FARS2: variants seen among roughly 807,000 people sequenced by gnomAD.
FARS2 encodes the protein phenylalanyl-tRNA synthetase 2, mitochondrial.
Under a neutral mutation model 46.4 loss-of-function variants are expected in FARS2, and 40 were observed. The observed-to-expected ratio is 0.86, with a 90% confidence interval of 0.67 to 1.12. FARS2 has a LOEUF of 1.12. Among genes scored for constraint, FARS2 ranks in the 50% most tolerant of loss-of-function variants. FARS2 has a pLI of 0.00. For missense variants in FARS2, 513 were observed against 567.9 expected (o/e 0.90, Z 0.98); for synonymous variants, 234 against 214.9 (o/e 1.09, Z -0.78).
chr6:5,403,136 T>C (rs1475947308), intron 2 of FARS2, among the ~76,000 whole-genome samples: 1 of 152,220 alleles, frequency 6.6e-6, no homozygotes, highest in East Asian at 1.9e-4. Flanking sequence ...TTAGTCCTCA[T>C]AAGAATAATT....
At chr6:5,562,722 ACACACAG>A (rs1561715093) in intron 5 of FARS2, among the ~76,000 whole-genome samples, 14 of 151,732 alleles carry the variant, frequency 9.2e-5, no homozygotes, top group African/African-American at 2.7e-4. Context: ...ACACACACAC[ACACACAG>A]TGTTTTTCAT....
At chr6:5,433,689 C>T (rs1763361150) in intron 4 of FARS2, among the ~76,000 whole-genome samples, 1 of 152,192 alleles carries the variant, frequency 6.6e-6, no homozygotes, top group Admixed American at 6.5e-5. Flanking sequence ...TCAAATACCT[C>T]TGTGATGATT....
chr6:5,409,804 T>C (rs1049020194), intron 3 of FARS2, among the ~76,000 whole-genome samples: 1 of 152,332 alleles, frequency 6.6e-6, no homozygotes. Flanking sequence ...ATCCTGAAAC[T>C]GCTGAAAGGT....
rs1778354017 is a variant in FARS2, at chr6:5,669,745, T to C, written c.1217+56425T>C. Reference sequence around the variant, plus strand: ...AACAGAGGTCCTGAGATTCGGAGAGTGAAGCGGAGTGGCTGCCGGCACCAC... The same window carrying C: ...AACAGAGGTCCTGAGATTCGGAGAGCGAAGCGGAGTGGCTGCCGGCACCAC... On this transcript the variant is annotated intron_variant, in intron 6 of 6. Coordinates refer to ENST00000274680, the MANE Select transcript of FARS2 (RefSeq NM_006567.5). 1.3e-5 allele frequency among the ~76,000 whole-genome samples: 2 copies of C among 151,944 alleles called. 1 individual carries two copies. The highest frequency in any genetic ancestry group is 4.2e-4 in the South Asian group (2 of 4,814).
At chr6:5,335,357 A>C (rs1332411001) in intron 1 of FARS2, among the ~76,000 whole-genome samples, 1 of 152,208 alleles carries the variant, frequency 6.6e-6, no homozygotes, top group Non-Finnish European at 1.5e-5. Flanking sequence ...GGAGGGACCC[A>C]GAGTTAACTG....
chr6:5,259,535 A>G (rs888690769), upstream of FARS2, among the ~76,000 whole-genome samples: 8 of 152,184 alleles, frequency 5.3e-5, no homozygotes, highest in Admixed American at 4.6e-4. Flanking sequence ...TTTGAGAGTC[A>G]TTGCTTAAGA....
At chr6:5,585,735 T>TAC (rs935107677) in intron 5 of FARS2, among the ~76,000 whole-genome samples, 5 of 151,852 alleles carry the variant, frequency 3.3e-5, no homozygotes, top group Non-Finnish European at 7.4e-5. Flanking sequence ...ATATATGGAA[T>TAC]ACACACACAT....
chr6:5,547,164 C>G (rs1771081274), intron 5 of FARS2, among the ~76,000 whole-genome samples: 1 of 152,038 alleles, frequency 6.6e-6, no homozygotes, highest in Admixed American at 6.6e-5. Context: ...GTTGGCCAGG[C>G]TGGTCTCAAA....
intron 1 of FARS2, among the ~76,000 whole-genome samples, chr6:5,319,935 G>T (rs1769847201): frequency 6.6e-6 from 1 of 152,144 alleles, no homozygotes; most frequent in South Asian, 2.1e-4. Flanking sequence ...ATAATTAGAA[G>T]GGAAGCAGAG....
intron 6 of FARS2, among the ~76,000 whole-genome samples, chr6:5,656,310 A>G (rs553850566): frequency 1.1e-4 from 17 of 152,200 alleles, no homozygotes; most frequent in East Asian, 1.9e-4. Flanking sequence ...GCTGGCTCCA[A>G]TATGTCATCT....
chr6:5,428,649 A>G (rs929688206), intron 3 of FARS2, among the ~76,000 whole-genome samples: 2 of 152,228 alleles, frequency 1.3e-5, no homozygotes, highest in Non-Finnish European at 2.9e-5. Flanking sequence ...GTTTGTTAGC[A>G]GGATTGTCTC....
intron 1 of FARS2, among the ~76,000 whole-genome samples, chr6:5,365,238 A>G (rs1758575227): frequency 6.6e-6 from 1 of 151,670 alleles, no homozygotes; most frequent in African/African-American, 2.4e-5. Flanking sequence ...AATTAGATAA[A>G]ATAGAAGTTA....
intron 6 of FARS2, among the ~76,000 whole-genome samples, chr6:5,697,711 T>C (rs759160107): frequency 1.3e-5 from 2 of 152,222 alleles, no homozygotes; most frequent in African/African-American, 2.4e-5. Context: ...ATTGTTTTAA[T>C]ACCTTGTTCA....
chr6:5,515,627 C>A (rs552962511), intron 4 of FARS2, among the ~76,000 whole-genome samples: 1 of 151,996 alleles, frequency 6.6e-6, no homozygotes. Context: ...GGGGGTTTTG[C>A]CATGTTGGCC....
intron 6 of FARS2, among the ~76,000 whole-genome samples, chr6:5,687,962 A>G (rs1358979826): frequency 4.6e-5 from 7 of 152,298 alleles, no homozygotes; most frequent in African/African-American, 1.4e-4. Flanking sequence ...CTTTGAAGCA[A>G]TTGTGAATGG....
At chr6:5,674,583 A>G (rs1156299423) in intron 6 of FARS2, among the ~76,000 whole-genome samples, 1 of 152,162 alleles carries the variant, frequency 6.6e-6, no homozygotes, top group Non-Finnish European at 1.5e-5. Flanking sequence ...ATCGTATTAC[A>G]TTTGCAAAAT....
intron 6 of FARS2, among the ~76,000 whole-genome samples, chr6:5,656,286 A>G (rs1186451499): frequency 6.6e-6 from 1 of 152,150 alleles, no homozygotes; most frequent in African/African-American, 2.4e-5. Flanking sequence ...CTCCTCTCAC[A>G]CACATCAGCT....
intron 4 of FARS2, among the ~76,000 whole-genome samples, chr6:5,453,978 G>T (rs749010591): frequency 6.6e-6 from 1 of 152,144 alleles, no homozygotes; most frequent in Non-Finnish European, 1.5e-5. Context: ...GCCGAGGGAG[G>T]TTTAACAAGG....
chr6:5,757,359 G>A (rs549129624), intron 6 of FARS2, among the ~76,000 whole-genome samples: 1 of 152,088 alleles, frequency 6.6e-6, no homozygotes, highest in South Asian at 2.1e-4. Flanking sequence ...TTTCCTAACT[G>A]AGGGAGTAGT....
Sources: gnomAD v4.1 joint callset for allele counts (sites outside exome capture counted in the v4.1 genomes callset) on GRCh38, gnomAD v4.1.1 for gene constraint, MANE v1.5 for transcripts, NCBI Gene and HGNC (gene_info 2026-07-23, HGNC 2026-07-21) for gene names.